ZNF536: variants seen among roughly 807,000 people sequenced by gnomAD.
ZNF536 encodes the protein zinc finger protein 536.
A neutral mutation model predicts 84.5 loss-of-function variants in ZNF536; 13 were observed. The observed-to-expected ratio is 0.15, with a 90% confidence interval of 0.10 to 0.24. The LOEUF (loss-of-function observed/expected upper bound fraction) is 0.24. Ranked by LOEUF, ZNF536 falls within the 10% of genes least tolerant of loss-of-function variation. ZNF536 has a pLI of 1.00. For missense variants in ZNF536, 1,536 were observed against 1,747.5 expected (o/e 0.88, Z 2.16); for synonymous variants, 811 against 742.5 (o/e 1.09, Z -1.50).
At chr19:30,588,407 C>A (rs1049895724) in intron 1 of ZNF536, among the ~76,000 whole-genome samples, 8 of 152,120 alleles carry the variant, frequency 5.3e-5, no homozygotes, top group Non-Finnish European at 1.5e-5. Flanking sequence ...CCCCAGTTGA[C>A]CCCTTTGAGG....
chr19:30,229,247 T>G (rs1485752524), intron 1 of ZNF536, among the ~76,000 whole-genome samples: 1 of 152,110 alleles, frequency 6.6e-6, no homozygotes, highest in African/African-American at 2.4e-5. Flanking sequence ...TTTCTTTTGC[T>G]TGAAGGAGAG....
At chr19:30,668,989 G>GC (rs1185018803) in intron 1 of ZNF536, among the ~76,000 whole-genome samples, 3 of 152,252 alleles carry the variant, frequency 2.0e-5, no homozygotes, top group Non-Finnish European at 4.4e-5. Context: ...TGAGTGGGCA[G>GC]CGGGGGCAAG....
chr19:30,620,029 CTTTTT>C (rs35581619), intron 1 of ZNF536, among the ~76,000 whole-genome samples: 1 of 135,080 alleles, frequency 7.4e-6, no homozygotes, highest in Admixed American at 7.3e-5. Context: ...TTCCTCTATG[CTTTTT>C]TTTTTTTTTG....
chr19:30,289,120 C>T (rs1401028095), intron 2 of ZNF536, among the ~76,000 whole-genome samples: 3 of 152,178 alleles, frequency 2.0e-5, no homozygotes, highest in Admixed American at 6.5e-5. Context: ...GTTTGGAGAA[C>T]GCATTCTGAG....
chr19:30,705,696 G>T (rs575600974), intron 1 of ZNF536, among the ~76,000 whole-genome samples: 1 of 152,210 alleles, frequency 6.6e-6, no homozygotes, highest in South Asian at 2.1e-4. Context: ...TATCTACAAA[G>T]CTTCTACTTA....
At chr19:30,332,262 C>A (rs1030882302) in intron 2 of ZNF536, among the ~76,000 whole-genome samples, 1 of 152,232 alleles carries the variant, frequency 6.6e-6, no homozygotes, top group Non-Finnish European at 1.5e-5. Flanking sequence ...TCTCCCTCCA[C>A]CAATCTGCCA....
intron 1 of ZNF536, among the ~76,000 whole-genome samples, chr19:30,680,375 T>A (rs1276006312): frequency 2.0e-5 from 3 of 150,064 alleles, no homozygotes; most frequent in Admixed American, 6.6e-5. Flanking sequence ...TAGCATTAGG[T>A]ATATCTCCTA....
At chr19:30,654,808 C>A (rs964274032) in intron 1 of ZNF536, among the ~76,000 whole-genome samples, 1 of 152,250 alleles carries the variant, frequency 6.6e-6, no homozygotes, top group African/African-American at 2.4e-5. Flanking sequence ...GAGCTCTACA[C>A]TTCAGCTGTG....
chr19:30,570,457 G>A (rs1184930934), intron 1 of ZNF536, among the ~76,000 whole-genome samples: 1 of 152,170 alleles, frequency 6.6e-6, no homozygotes, highest in Non-Finnish European at 1.5e-5. Flanking sequence ...GCAAGCCCAC[G>A]TTGTTATTGT....
chr19:30,701,189 T>TCACA (rs1428834210), intron 1 of ZNF536, among the ~76,000 whole-genome samples: 9 of 57,880 alleles, frequency 1.6e-4, no homozygotes, highest in Non-Finnish European at 2.5e-4. Context: ...TATATCTCAC[T>TCACA]CTCACACACA....
At chr19:30,253,538 G>A (rs1407272493) in intron 1 of ZNF536, among the ~76,000 whole-genome samples, 1 of 152,188 alleles carries the variant, frequency 6.6e-6, no homozygotes, top group Non-Finnish European at 1.5e-5. Flanking sequence ...TTTAAGAATT[G>A]CTTGTGAATT....
chr19:30,440,281 G>A (rs1281478304), intron 1 of ZNF536, among the ~76,000 whole-genome samples: 1 of 151,984 alleles, frequency 6.6e-6, no homozygotes, highest in Non-Finnish European at 1.5e-5. Flanking sequence ...TTCTCTTGGT[G>A]GTTTCTGAAC....
Position 30,672,469 on chromosome 19 carries a change from A to G in ZNF536, c.170-38288A>G, listed in dbSNP as rs1267405618. Among the ~76,000 whole-genome samples the G allele has an allele frequency of 3.9e-5, 6 of 152,342 alleles. No homozygotes were observed. The South Asian group carries it at 1.0e-3, about 26-fold the overall frequency. On this transcript the variant is annotated intron_variant, in intron 1 of 1. Transcript: ENST00000592773. Reference sequence around the variant, plus strand: ...CTGGGCACCCAATTACAAAAGGGGCATTATTTCCACAGCAAAGCATATTTC... The same window carrying G: ...CTGGGCACCCAATTACAAAAGGGGCGTTATTTCCACAGCAAAGCATATTTC...
chr19:30,481,046 G>T lies in ZNF536; in HGVS notation c.2170+35314G>T, dbSNP rs138047913. ...CCTGTCTCAAAAAAAAAAAAAAAAG[G>T]GTGGGTTGGGGGGCTTTTTAGCTGC... On this transcript the variant is annotated intron_variant, in intron 2 of 4. Coordinates refer to ENST00000355537, the MANE Select transcript of ZNF536 (RefSeq NM_014717.3). 8.8e-3 allele frequency among the ~76,000 whole-genome samples: 1,327 copies of T among 151,458 alleles called. 18 individuals are homozygous for T. Among genetic ancestry groups the T allele is most frequent in the African/African-American group, 0.03 (1,248 of 41,290 alleles).
intron 2 of ZNF536, among the ~76,000 whole-genome samples, chr19:30,521,862 T>A (rs887516488): frequency 6.6e-6 from 1 of 152,134 alleles, no homozygotes; most frequent in Non-Finnish European, 1.5e-5. Context: ...CCCATGTGGA[T>A]ATATCAGAAG....
At chr19:30,370,153 G>A (rs1488698197), upstream of ZNF536, among the ~76,000 whole-genome samples, 1 of 152,172 alleles carries the variant, frequency 6.6e-6, no homozygotes, top group Non-Finnish European at 1.5e-5. Flanking sequence ...TCGTTAAAAA[G>A]CAACTATGGC....
At chr19:30,291,944 T>C (rs1207227315) in intron 2 of ZNF536, among the ~76,000 whole-genome samples, 1 of 152,150 alleles carries the variant, frequency 6.6e-6, no homozygotes, top group Non-Finnish European at 1.5e-5. Context: ...CATAATAAAG[T>C]TTTATTGGCA....
At chr19:30,594,110 G>A (rs979797713) in intron 1 of ZNF536, among the ~76,000 whole-genome samples, 14 of 152,124 alleles carry the variant, frequency 9.2e-5, no homozygotes, top group African/African-American at 3.4e-4. Flanking sequence ...AGTGATCCAG[G>A]GACCTTTCTC....
intron 1 of ZNF536, among the ~76,000 whole-genome samples, chr19:30,707,308 C>T (rs565199277): frequency 6.0e-4 from 91 of 152,292 alleles, no homozygotes; most frequent in Middle Eastern, 3.4e-3. Context: ...GCCCTAACTC[C>T]CAGGTCATGA....
Sources: gnomAD v4.1 joint callset for allele counts (sites outside exome capture counted in the v4.1 genomes callset) on GRCh38, gnomAD v4.1.1 for gene constraint, MANE v1.5 for transcripts, NCBI Gene and HGNC (gene_info 2026-07-23, HGNC 2026-07-21) for gene names.